GNG7: variants seen among roughly 807,000 people sequenced by gnomAD.
GNG7 encodes guanine nucleotide-binding protein G(I)/G(S)/G(O) subunit gamma-7.
A neutral mutation model predicts 4.0 loss-of-function variants in GNG7; 1 was observed. That is an observed-to-expected ratio of 0.25 (90% CI 0.09 to 1.18). The LOEUF (loss-of-function observed/expected upper bound fraction) is 1.18, where lower values mean the gene tolerates loss of function less well. GNG7 is among the 50% of genes most tolerant of loss of function. The pLI is 0.50. For missense variants in GNG7, 86 were observed against 91.9 expected (o/e 0.94, Z 0.26); for synonymous variants, 34 against 36.9 (o/e 0.92, Z 0.29).
rs1981545012 is a variant in GNG7 at position 2,611,006 on chromosome 19, G to GGGGGT, written c.-78+35217_-78+35218insACCCC. 1 of 103,070 alleles carries GGGGGT rather than the reference G, an allele frequency of 9.7e-6. No individual in the cohort carries two copies. Among genetic ancestry groups the GGGGGT allele is most frequent in the African/African-American group, 4.9e-5 (1 of 20,350 alleles). 6.4% of individuals were successfully genotyped at this position (103,070 alleles called of 1,614,324 possible). A position where few individuals can be genotyped will look rare whatever the true frequency, so the allele number is the denominator to read the frequency against. On this transcript the variant is annotated intron_variant, in intron 2 of 4. Transcript: ENST00000382159. This position sits in a 1 kb window ranked among gnomAD's most constrained non-coding sequence, Gnocchi z 6.0. ...GGAACGGGCTCACGTGCCAGGCTCG[G>GGGGGT]GGGGGGGGAAGCGTCCTCAACATTC...
At chr19:2,560,172 T>C (rs900594008) in intron 2 of GNG7, among the ~76,000 whole-genome samples, 1 of 152,084 alleles carries the variant, frequency 6.6e-6, no homozygotes, top group Non-Finnish European at 1.5e-5. Context: ...AGGCATTGAT[T>C]TGGGGTTCAC....
intron 1 of GNG7, among the ~76,000 whole-genome samples, chr19:2,685,617 C>T (rs117588399): frequency 0.016 from 2,401 of 152,056 alleles, 33 homozygotes; most frequent in Middle Eastern, 0.034. Flanking sequence ...AGAGGGAGAC[C>T]CTGTCTCAAA....
At chr19:2,673,419 G>A (rs371426943) in intron 1 of GNG7, among the ~76,000 whole-genome samples, 95 of 151,966 alleles carry the variant, frequency 6.3e-4, no homozygotes, top group Middle Eastern at 3.4e-3. Context: ...AAGACCGGGC[G>A]CCGTGGCTCA....
At chr19:2,637,346 C>T (rs1982343050) in intron 2 of GNG7, among the ~76,000 whole-genome samples, 1 of 152,078 alleles carries the variant, frequency 6.6e-6, no homozygotes, top group South Asian at 2.1e-4. Context: ...CCTCACTTGG[C>T]GGCGCACCTG....
intron 2 of GNG7, among the ~76,000 whole-genome samples, chr19:2,584,823 G>A (rs1302869651): frequency 2.5e-5 from 1 of 40,280 alleles, no homozygotes; most frequent in African/African-American, 1.8e-4. Flanking sequence ...AGGGAGGGAC[G>A]GAGGGAGGGA....
In GNG7 at chr19:2,513,182, G is replaced by T; in HGVS notation, c.*1840C>A. The T allele has an allele frequency of 1.0e-6, 1 of 957,094 alleles. No individual in the cohort carries two copies. Among genetic ancestry groups the T allele is most frequent in the Non-Finnish European group, 1.2e-6 (1 of 804,070 alleles). 59.3% of individuals were successfully genotyped at this position (957,094 alleles called of 1,614,324 possible). A position where few individuals can be genotyped will look rare whatever the true frequency, so the allele number is the denominator to read the frequency against. ...CCTTGGCGAGGTGGGAACCCTGGCAGTCACCAGCTCAGGAAGTGAGCCAAG... is the reference window on the plus strand; with the variant it reads ...CCTTGGCGAGGTGGGAACCCTGGCATTCACCAGCTCAGGAAGTGAGCCAAG... On this transcript the variant is annotated 3_prime_UTR_variant, in exon 5 of 5. Coordinates refer to ENST00000382159, the MANE Select transcript of GNG7 (RefSeq NM_052847.3).
intron 2 of GNG7, among the ~76,000 whole-genome samples, chr19:2,605,436 T>C (rs7254515): frequency 0.15 from 22,944 of 149,674 alleles, 3,376 homozygotes; most frequent in African/African-American, 0.38. Context: ...TGGCCTCAAG[T>C]GATCCTCCTG....
intron 2 of GNG7, among the ~76,000 whole-genome samples, chr19:2,589,664 G>C (rs1261657451): frequency 1.3e-5 from 2 of 152,054 alleles, no homozygotes; most frequent in Admixed American, 6.6e-5. Context: ...CCTTGATTTA[G>C]CTCTTTTAGG....
chr19:2,639,254 T>C (rs982423671), intron 2 of GNG7, among the ~76,000 whole-genome samples: 4 of 151,948 alleles, frequency 2.6e-5, no homozygotes, highest in African/African-American at 9.7e-5. Flanking sequence ...AATTCCTCTT[T>C]GGCAAAACCC....
At chr19:2,526,234 TGCTGG>T (rs1978391429) in intron 3 of GNG7, among the ~76,000 whole-genome samples, 10 of 151,670 alleles carry the variant, frequency 6.6e-5, no homozygotes, top group Admixed American at 2.6e-4. Flanking sequence ...CCTCCCAGAG[TGCTGG>T]GATTAAAGGC....
intron 1 of GNG7, among the ~76,000 whole-genome samples, chr19:2,681,278 G>A (rs568814487): frequency 2.6e-4 from 40 of 152,100 alleles, no homozygotes; most frequent in African/African-American, 9.4e-4. Context: ...CCACCTCCCA[G>A]GTTCAAGCGA....
chr19:2,696,246 A>T (rs911075330), intron 1 of GNG7, among the ~76,000 whole-genome samples: 3 of 149,612 alleles, frequency 2.0e-5, no homozygotes, highest in African/African-American at 7.5e-5. Context: ...AGAGAAAGAA[A>T]AAGAAAAAAG....
chr19:2,548,531 G>A (rs1467357499), intron 3 of GNG7, among the ~76,000 whole-genome samples: 1 of 147,866 alleles, frequency 6.8e-6, no homozygotes, highest in Non-Finnish European at 1.5e-5. Flanking sequence ...GCTCACACCT[G>A]TAATCCCAGC....
At chr19:2,642,853 G>C (rs62119807) in intron 2 of GNG7, 1 of 456,520 alleles carries the variant, frequency 2.2e-6, no homozygotes, top group Non-Finnish European at 4.4e-6. Context: ...GAAGCACCGG[G>C]AATGCATAGT....
chr19:2,682,697 G>C (rs956343216), intron 1 of GNG7, among the ~76,000 whole-genome samples: 1 of 149,752 alleles, frequency 6.7e-6, no homozygotes, highest in South Asian at 2.1e-4. Context: ...CTACAGGGAG[G>C]CAGGGGTCAT....
At chr19:2,601,637 G>A (rs1981201340) in intron 2 of GNG7, among the ~76,000 whole-genome samples, 1 of 152,162 alleles carries the variant, frequency 6.6e-6, no homozygotes, top group Non-Finnish European at 1.5e-5. Context: ...TGAAGGCCGG[G>A]CATGGTGGCT....
At chr19:2,548,823 G>A (rs1322229506) in intron 3 of GNG7, among the ~76,000 whole-genome samples, 1 of 144,570 alleles carries the variant, frequency 6.9e-6, no homozygotes, top group Non-Finnish European at 1.5e-5. Flanking sequence ...CAAACAAACA[G>A]CGACAACCCC....
chr19:2,656,413 C>T (rs941812037), intron 1 of GNG7, among the ~76,000 whole-genome samples: 1 of 152,172 alleles, frequency 6.6e-6, no homozygotes, highest in Non-Finnish European at 1.5e-5. Context: ...ACCAGCCTGG[C>T]CAACATGGCG....
chr19:2,643,665 CCTT>C (rs1280239523), intron 2 of GNG7: 2 of 456,468 alleles, frequency 4.4e-6, no homozygotes, highest in African/African-American at 4.0e-5. Flanking sequence ...CCCTGCGCCT[CCTT>C]TTTCGGGCTG....
Sources: allele counts gnomAD v4.1 joint callset (sites outside exome capture counted in the v4.1 genomes callset), GRCh38; gene constraint gnomAD v4.1.1; non-coding constraint Gnocchi (gnomAD v3.1); transcripts MANE v1.5; gene names NCBI Gene and HGNC (gene_info 2026-07-23, HGNC 2026-07-21).